The following NOVA1 variants were observed in gnomAD, a reference collection of about 807,000 sequenced individuals.
NOVA1 encodes the protein RNA-binding protein Nova-1.
A neutral mutation model predicts 38.0 loss-of-function variants in NOVA1; 7 were observed. The ratio of observed to expected loss-of-function variants is 0.18; its 90% CI spans 0.10 to 0.35. The LOEUF is 0.35. Among genes scored for constraint, NOVA1 ranks in the 10% least tolerant of loss-of-function variants. NOVA1 has a pLI of 1.00. For missense variants in NOVA1, 460 were observed against 616.0 expected (o/e 0.75, Z 2.68); for synonymous variants, 270 against 232.5 (o/e 1.16, Z -1.47).
rs1222564781 is a variant in NOVA1 at position 26,476,718 on chromosome 14, CT to C, written c.447+3258del. On this transcript the variant is annotated intron_variant, in intron 3 of 4. Coordinates refer to ENST00000539517, the MANE Select transcript of NOVA1 (RefSeq NM_002515.3). ...ACACGCCTCTGAATTTTTTTCTTTTCTTTTTTTTTTTTTTTGAGACAGAGCT... is the reference window on the plus strand; with the variant it reads ...ACACGCCTCTGAATTTTTTTCTTTTCTTTTTTTTTTTTTTGAGACAGAGCT... Among the ~76,000 whole-genome samples, 393 of 139,126 alleles carry C rather than the reference CT, an allele frequency of 2.8e-3. 1 individual carries two copies. Among genetic ancestry groups the C allele is most frequent in the African/African-American group, 5.9e-3 (227 of 38,510 alleles). The allele number at this position is 139,126 out of a possible 152,430, so 91.3% of individuals were successfully genotyped here.
chr14:26,579,045 G>A (rs1244515525), intron 2 of NOVA1, among the ~76,000 whole-genome samples: 1 of 143,968 alleles, frequency 6.9e-6, no homozygotes, highest in Non-Finnish European at 1.5e-5. Flanking sequence ...TCCATAGCAG[G>A]TGGTATTCTT....
intron 2 of NOVA1, among the ~76,000 whole-genome samples, chr14:26,525,527 T>TA (rs1171563822): frequency 6.6e-6 from 1 of 152,168 alleles, no homozygotes; most frequent in African/African-American, 2.4e-5. Context: ...CATAAACTGT[T>TA]ACATGTCTGA....
At chr14:26,459,361 A>T (rs1295963729) in intron 4 of NOVA1, among the ~76,000 whole-genome samples, 1 of 152,146 alleles carries the variant, frequency 6.6e-6, no homozygotes, top group Non-Finnish European at 1.5e-5. Context: ...AACATGCTGT[A>T]CAGATTTGTA....
intron 2 of NOVA1, among the ~76,000 whole-genome samples, chr14:26,576,856 T>C (rs1892881629): frequency 6.6e-6 from 1 of 151,988 alleles, no homozygotes; most frequent in Admixed American, 6.6e-5. Context: ...CCACAGCTAC[T>C]TTTTTGGTGT....
At chr14:26,577,940 C>A (rs1270147139) in intron 2 of NOVA1, among the ~76,000 whole-genome samples, 3 of 151,228 alleles carry the variant, frequency 2.0e-5, no homozygotes, top group Non-Finnish European at 4.4e-5. Flanking sequence ...ATCCATGATA[C>A]TGGATTGGAT....
chr14:26,475,596 G>A (rs951309515), intron 3 of NOVA1, among the ~76,000 whole-genome samples: 3 of 152,104 alleles, frequency 2.0e-5, no homozygotes, highest in East Asian at 1.9e-4. Context: ...TCTTTCAAAC[G>A]GAAAAGCATA....
At position 26,529,207 on chromosome 14, in the gene NOVA1, G is replaced by T. The variant is rs372267645; in HGVS notation, c.281-49064C>A. Among the ~76,000 whole-genome samples the T allele has an allele frequency of 2.3e-4, 35 of 150,960 alleles. No individual in the cohort carries two copies. In the East Asian group the frequency reaches 5.1e-3, roughly 22 times the overall value. The stretch of plus-strand genomic sequence containing the variant: ...GGCTGGAGTGCAGTGGTGTAATCTC[G>T]GCTCACAGCAACTTCCACCTCCCAG... On this transcript the variant is annotated intron_variant, in intron 2 of 4. Transcript: ENST00000539517.
At chr14:26,454,329 G>A (rs551524744) in intron 4 of NOVA1, among the ~76,000 whole-genome samples, 2 of 152,266 alleles carry the variant, frequency 1.3e-5, no homozygotes, top group South Asian at 2.1e-4. Flanking sequence ...ACTGGTTTGG[G>A]TTTGAGCACA....
intron 1 of NOVA1, chr14:26,596,820 A>G: frequency 3.5e-6 from 4 of 1,145,890 alleles, no homozygotes; most frequent in Non-Finnish European, 4.4e-6. Flanking sequence ...GGCCCAAAGC[A>G]AGAGGATGGA....
chr14:26,595,398 CATT>C lies in NOVA1; in HGVS notation c.280+9_280+11del, dbSNP rs1475852215. ...GGAGCTCATCAAACAATCTCTTCACCATTGCACCTACCTGGGTAAAAATCTTTG... is the reference window on the plus strand; with the variant it reads ...GGAGCTCATCAAACAATCTCTTCACCGCACCTACCTGGGTAAAAATCTTTG... On this transcript the variant is annotated intron_variant, in intron 2 of 4. Transcript: ENST00000539517. 1 of 1,612,314 alleles carries C rather than the reference CATT, an allele frequency of 6.2e-7. No individual in the cohort carries two copies. The highest frequency in any genetic ancestry group is 1.3e-5 in the African/African-American group (1 of 74,804).
chr14:26,463,444 A>C (rs1003530263), intron 4 of NOVA1, among the ~76,000 whole-genome samples: 2 of 152,150 alleles, frequency 1.3e-5, no homozygotes, highest in Non-Finnish European at 2.9e-5. Context: ...AATTTCCCTG[A>C]TGACTGGTGA....
chr14:26,585,229 C>T (rs181342877), intron 2 of NOVA1, among the ~76,000 whole-genome samples: 3 of 151,252 alleles, frequency 2.0e-5, no homozygotes, highest in Admixed American at 6.6e-5. Context: ...GTAAAGACTC[C>T]GAAATATCCC....
intron 4 of NOVA1, among the ~76,000 whole-genome samples, chr14:26,470,805 G>A (rs897044775): frequency 1.3e-5 from 2 of 152,042 alleles, no homozygotes; most frequent in Non-Finnish European, 2.9e-5. Flanking sequence ...TTTTTACCTT[G>A]AGAAAAATCA....
chr14:26,578,489 A>G (rs1461960442), intron 2 of NOVA1, among the ~76,000 whole-genome samples: 1 of 152,170 alleles, frequency 6.6e-6, no homozygotes, highest in Non-Finnish European at 1.5e-5. Context: ...GATGGAATGG[A>G]ATGGAATATA....
At position 26,507,387 on chromosome 14, in the gene NOVA1, C is replaced by T. The variant is rs556366980; in HGVS notation, c.281-27244G>A. ...ATAATTGAGGCATGTTTCCTGCTAG[C>T]AGTCGATAAAGCTGCTACTTTATAT... On this transcript the variant is annotated intron_variant, in intron 2 of 4. Transcript: ENST00000539517. Among the ~76,000 whole-genome samples the T allele has an allele frequency of 3.9e-5, 6 of 152,076 alleles. No individual in the cohort carries two copies. The South Asian group carries it at 1.0e-3, about 26-fold the overall frequency.
intron 2 of NOVA1, among the ~76,000 whole-genome samples, chr14:26,590,677 C>T (rs1594593082): frequency 6.6e-6 from 1 of 151,680 alleles, no homozygotes; most frequent in Admixed American, 6.6e-5. Flanking sequence ...ATCATTTTTC[C>T]TCTTGCTGTA....
At position 26,472,340 on chromosome 14, in the gene NOVA1, T is replaced by A; in HGVS notation, c.499A>T (p.Thr167Ser). ...TGTACCTGATTAGCTCTGGAGGTGG[T>A]CATGGGATCAGATGGAGAGGACTTG... is the stretch of plus-strand genomic sequence containing the variant. ...TTKSSPSDPMTTSRANQVKII... is the reference protein window; with the variant it reads ...TTKSSPSDPMSTSRANQVKII... The change falls in exon 4 of 5, where the codon ACC (threonine) becomes TCC (serine). Residue 167 changes from threonine (T) to serine (S), a missense_variant. By Grantham distance (58) the Thr-to-Ser change is moderately conservative. Transcript: ENST00000539517. 1 of 1,597,692 alleles carries A rather than the reference T, an allele frequency of 6.3e-7. No individual in the cohort carries two copies. Among genetic ancestry groups the A allele is most frequent in the Non-Finnish European group, 8.6e-7 (1 of 1,169,456 alleles).
At chr14:26,541,756 G>A (rs1890479475) in intron 2 of NOVA1, among the ~76,000 whole-genome samples, 1 of 151,650 alleles carries the variant, frequency 6.6e-6, no homozygotes, top group African/African-American at 2.4e-5. Flanking sequence ...TATTGCAAGG[G>A]TTGAGGAGCA....
At chr14:26,469,529 T>C (rs1414584560) in intron 4 of NOVA1, among the ~76,000 whole-genome samples, 2 of 152,204 alleles carry the variant, frequency 1.3e-5, no homozygotes, top group Non-Finnish European at 2.9e-5. Context: ...TTCAAGACAC[T>C]GTTCTAGGAA....
Sources: allele counts gnomAD v4.1 joint callset (sites outside exome capture counted in the v4.1 genomes callset), GRCh38; gene constraint gnomAD v4.1.1; transcripts MANE v1.5; gene names NCBI Gene and HGNC (gene_info 2026-07-23, HGNC 2026-07-21).